The following PCDH9 variants were observed in gnomAD, a reference collection of about 807,000 sequenced individuals.
PCDH9 encodes the protein protocadherin 9.
Under a neutral mutation model 70.6 loss-of-function variants are expected in PCDH9, and 24 were observed. That is an observed-to-expected ratio of 0.34 (90% CI 0.25 to 0.48). PCDH9 has a LOEUF of 0.48. PCDH9 is among the 20% of genes least tolerant of loss of function. PCDH9 has a pLI of 0.99. For synonymous variants in PCDH9, 562 were observed against 558.5 expected, an observed-to-expected ratio of 1.01 and a Z score of -0.09; for missense variants, 1,281 against 1,503.6, an observed-to-expected ratio of 0.85 and a Z score of 2.45.
chr13:66,957,492 A>G (rs1003534291), intron 2 of PCDH9, among the ~76,000 whole-genome samples: 1 of 152,232 alleles, frequency 6.6e-6, no homozygotes, highest in Non-Finnish European at 1.5e-5. Flanking sequence ...AAGAAAGACC[A>G]GTCAGCAATG....
intron 2 of PCDH9, among the ~76,000 whole-genome samples, chr13:67,132,010 A>G (rs17517438): frequency 0.085 from 12,917 of 152,208 alleles, 573 homozygotes; most frequent in Non-Finnish European, 0.092. Context: ...AAATGACTCC[A>G]TAGAATTTCT....
intron 3 of PCDH9, among the ~76,000 whole-genome samples, chr13:66,883,168 C>T (rs545379730): frequency 2.6e-5 from 4 of 152,256 alleles, no homozygotes; most frequent in African/African-American, 7.2e-5. Flanking sequence ...TTATATATAT[C>T]TACATCACCT....
intron 2 of PCDH9, among the ~76,000 whole-genome samples, chr13:67,009,068 T>C (rs546904987): frequency 2.0e-5 from 3 of 152,244 alleles, no homozygotes; most frequent in South Asian, 4.1e-4. Context: ...ATCTTCATTA[T>C]AGCAGCTCAG....
chr13:67,213,625 T>C (rs1240371925), intron 2 of PCDH9: 2 of 152,060 alleles, frequency 1.3e-5, no homozygotes, highest in African/African-American at 2.4e-5. Flanking sequence ...AAAATGGATA[T>C]CACATCTTAG....
intron 3 of PCDH9, among the ~76,000 whole-genome samples, chr13:66,717,248 G>A (rs908572753): frequency 5.3e-5 from 8 of 151,338 alleles, no homozygotes; most frequent in African/African-American, 1.9e-4. Flanking sequence ...CTGAGGTCAG[G>A]AGTTCAAGAC....
intron 2 of PCDH9, among the ~76,000 whole-genome samples, chr13:66,920,843 A>G (rs1264427687): frequency 1.3e-5 from 2 of 151,194 alleles, no homozygotes; most frequent in African/African-American, 4.8e-5. Flanking sequence ...TCCTAAAACA[A>G]TAGCTTCCTG....
chr13:66,742,586 C>T (rs2079284009), intron 3 of PCDH9, among the ~76,000 whole-genome samples: 1 of 138,088 alleles, frequency 7.2e-6, no homozygotes, highest in African/African-American at 2.7e-5. Flanking sequence ...ATTTTCGCAA[C>T]CTACTCATCT....
At chr13:66,747,782 T>C (rs973219881) in intron 3 of PCDH9, among the ~76,000 whole-genome samples, 1 of 152,178 alleles carries the variant, frequency 6.6e-6, no homozygotes, top group South Asian at 2.1e-4. Context: ...AGCACACATA[T>C]GTATATATAA....
chr13:66,689,329 G>C (rs1012310317), intron 3 of PCDH9, among the ~76,000 whole-genome samples: 2 of 152,042 alleles, frequency 1.3e-5, no homozygotes, highest in Non-Finnish European at 2.9e-5. Flanking sequence ...TGGAATCACT[G>C]CTGACAATAC....
At chr13:67,045,240 T>C (rs559368567) in intron 2 of PCDH9, among the ~76,000 whole-genome samples, 2 of 152,304 alleles carry the variant, frequency 1.3e-5, no homozygotes, top group East Asian at 3.9e-4. Flanking sequence ...CTCAGTTGAG[T>C]ATTTGAGCCA....
At chr13:66,882,807 C>CA (rs2081943200) in intron 3 of PCDH9, among the ~76,000 whole-genome samples, 2 of 152,086 alleles carry the variant, frequency 1.3e-5, no homozygotes, top group Admixed American at 1.3e-4. Context: ...TCTCATGAAA[C>CA]AAAACTGTCA....
At chr13:66,696,473 ATCT>A (rs2078563866) in intron 3 of PCDH9, among the ~76,000 whole-genome samples, 1 of 152,204 alleles carries the variant, frequency 6.6e-6, no homozygotes, top group African/African-American at 2.4e-5. Context: ...GGCAAAAGAA[ATCT>A]TCTCTAACCT....
At chr13:67,040,266 T>C (rs1204961701) in intron 2 of PCDH9, among the ~76,000 whole-genome samples, 1 of 152,092 alleles carries the variant, frequency 6.6e-6, no homozygotes, top group Admixed American at 6.6e-5. Flanking sequence ...TGGGAGATGA[T>C]TTATTCTTGA....
At position 66,304,752 on chromosome 13, in the gene PCDH9, T is replaced by A. The variant is rs1359367172; in HGVS notation, c.3617A>T (p.Asn1206Ile). 3 of 1,613,258 alleles carry A rather than the reference T, an allele frequency of 1.9e-6. No homozygotes were observed. Among genetic ancestry groups the A allele is most frequent in the Admixed American group, 3.3e-5 (2 of 59,864 alleles). ...KQYGSNEGHF[N>I]NGSHMTDIPL... is the part of the protein sequence containing the mutation. ...AATGTCTGTCATGTGGCTGCCATTG[T>A]TGAAATGGCCTTCATTGGAGCCATA... Residue 1206 changes from asparagine (N) to isoleucine (I), a missense_variant, in exon 5 of 5, where the codon AAC (asparagine) becomes ATC (isoleucine). By Grantham distance (149) the Asn-to-Ile change is moderately radical. Around this residue, in one of 4 missense-constraint regions of PCDH9, gnomAD observed 264 missense variants for 278.8 expected, o/e 0.95. Transcript: ENST00000377865.
At position 67,036,354 on chromosome 13, in the gene PCDH9, A is replaced by T. The variant is rs534589456; in HGVS notation, c.3037-132749T>A. Among the ~76,000 whole-genome samples the T allele has an allele frequency of 2.6e-5, 4 of 152,288 alleles. No homozygotes were observed. In the East Asian group the frequency reaches 7.7e-4, roughly 29 times the overall value. On this transcript the variant is annotated intron_variant, in intron 2 of 4. Transcript: ENST00000377865. ...CAGCCATTCAAATCTCTATTCCTACATAAAGCTCTAAACCCACTAATCTCT... is the reference window on the plus strand; with the variant it reads ...CAGCCATTCAAATCTCTATTCCTACTTAAAGCTCTAAACCCACTAATCTCT...
At chr13:67,073,586 A>G (rs1047757389) in intron 2 of PCDH9, among the ~76,000 whole-genome samples, 1 of 152,128 alleles carries the variant, frequency 6.6e-6, no homozygotes, top group Non-Finnish European at 1.5e-5. Context: ...ACTATGTGCA[A>G]TAAAACGTAT....
chr13:67,165,637 A>G (rs1203791315), intron 2 of PCDH9, among the ~76,000 whole-genome samples: 2 of 152,100 alleles, frequency 1.3e-5, no homozygotes, highest in South Asian at 2.1e-4. Context: ...TCCAGGAAAA[A>G]AAAAAGTTAT....
intron 3 of PCDH9, among the ~76,000 whole-genome samples, chr13:66,676,513 G>A (rs991799437): frequency 4.6e-5 from 7 of 152,130 alleles, no homozygotes; most frequent in East Asian, 1.9e-4. Context: ...TAAGATATAC[G>A]CTTCAAACTT....
intron 3 of PCDH9, among the ~76,000 whole-genome samples, chr13:66,658,021 A>G (rs541650712): frequency 1.3e-5 from 2 of 152,346 alleles, no homozygotes; most frequent in East Asian, 1.9e-4. Context: ...TTTACTGGGT[A>G]TAAGAAATCT....
Sources: allele counts gnomAD v4.1 joint callset (sites outside exome capture counted in the v4.1 genomes callset), GRCh38; gene constraint gnomAD v4.1.1; regional missense constraint gnomAD v4.1.1; transcripts MANE v1.5; gene names NCBI Gene and HGNC (gene_info 2026-07-23, HGNC 2026-07-21).